APP: variants seen among roughly 807,000 people sequenced by gnomAD.
The protein encoded by APP is amyloid beta precursor protein, also known as amyloid-beta precursor protein.
APP carries 31 observed loss-of-function variants against 101.4 expected under a neutral mutation model. The observed-to-expected ratio is 0.31, with a 90% CI of 0.23 to 0.41. The LOEUF (loss-of-function observed/expected upper bound fraction) is 0.41. Ranked by LOEUF, APP falls within the 10% of genes least tolerant of loss-of-function variation. The pLI, the probability that APP is intolerant of heterozygous loss-of-function variation, is 1.00. For missense variants in APP, 839 were observed against 1,003.7 expected, an observed-to-expected ratio of 0.84 and a Z score of 2.22; for synonymous variants, 366 against 364.4, an observed-to-expected ratio of 1.00 and a Z score of -0.05.
At chr21:26,019,625 T>C (rs1259848416) in intron 6 of APP, among the ~76,000 whole-genome samples, 1 of 152,224 alleles carries the variant, frequency 6.6e-6, no homozygotes, top group Non-Finnish European at 1.5e-5. Flanking sequence ...CAAAATGGCT[T>C]GTACCAAGCA....
intron 17 of APP, among the ~76,000 whole-genome samples, chr21:25,883,125 G>A (rs1175590831): frequency 3.9e-5 from 6 of 152,158 alleles, no homozygotes; most frequent in Admixed American, 6.6e-5. Context: ...CAATATGGCC[G>A]GGTGCAGTGG....
At chr21:25,900,041 T>G (rs115108047) in intron 15 of APP, among the ~76,000 whole-genome samples, 2,122 of 151,486 alleles carry the variant, frequency 0.014, 42 homozygotes, top group African/African-American at 0.05. Context: ...ACTTTAATAT[T>G]GTTAAGTATT....
At chr21:26,016,254 AACTCCTGACCTCAGGTGATCTGC>A (rs1376148516) in intron 6 of APP, among the ~76,000 whole-genome samples, 1 of 152,066 alleles carries the variant, frequency 6.6e-6, no homozygotes, top group East Asian at 1.9e-4. Flanking sequence ...GCTGGTCTCT[AACTCCTGACCTCAGGTGATCTGC>A]TCACCTCAGC....
chr21:26,113,881 C>A (rs925981712), intron 1 of APP, among the ~76,000 whole-genome samples: 2 of 152,136 alleles, frequency 1.3e-5, no homozygotes, highest in African/African-American at 2.4e-5. Context: ...AATAACACTG[C>A]AAAAACATTA....
Position 26,007,345 on chromosome 21 carries a change from G to A in APP, c.866-7163C>T, listed in dbSNP as rs1032925715. ...CAAAACTTCAATATTTCAAATAAAC[G>A]TTATAATTTATAAATATAATTATAA... On this transcript the variant is annotated intron_variant, in intron 6 of 17. Transcript: ENST00000346798. 4.1e-5 allele frequency among the ~76,000 whole-genome samples: 6 copies of A among 145,620 alleles called. No homozygotes were observed. The South Asian group carries it at 8.6e-4, about 21-fold the overall frequency.
chr21:26,033,170 T>C (rs988586047), intron 5 of APP, among the ~76,000 whole-genome samples: 17 of 152,218 alleles, frequency 1.1e-4, no homozygotes, highest in African/African-American at 4.1e-4. Flanking sequence ...TCTTGAATTG[T>C]AATCCTCATA....
intron 1 of APP, 75 bp from the exon 2 acceptor site, chr21:26,112,221 C>G: frequency 6.7e-7 from 1 of 1,492,934 alleles, no homozygotes; most frequent in Non-Finnish European, 9.3e-7. Flanking sequence ...ACAGGGATAA[C>G]TATCAAAAAG....
intron 11 of APP, among the ~76,000 whole-genome samples, chr21:25,958,805 A>G (rs986580002): frequency 4.6e-5 from 7 of 152,198 alleles, no homozygotes; most frequent in Non-Finnish European, 8.8e-5. Flanking sequence ...CCTCTAAGTA[A>G]TAAGAGTTCA....
chr21:26,103,784 A>G (rs574174415), intron 2 of APP, among the ~76,000 whole-genome samples: 9 of 152,176 alleles, frequency 5.9e-5, no homozygotes, highest in Non-Finnish European at 1.0e-4. Context: ...AACGACGACT[A>G]GCGTGCTCTA....
intron 5 of APP, among the ~76,000 whole-genome samples, chr21:26,047,000 A>G (rs2045637826): frequency 6.6e-6 from 1 of 152,234 alleles, no homozygotes; most frequent in African/African-American, 2.4e-5. Context: ...GGATTATGCT[A>G]CATTACAGAC....
At chr21:26,129,948 T>C (rs2062759074) in intron 1 of APP, among the ~76,000 whole-genome samples, 1 of 152,214 alleles carries the variant, frequency 6.6e-6, no homozygotes, top group Non-Finnish European at 1.5e-5. Context: ...TACACATGCC[T>C]TGTGATATTA....
chr21:26,164,022 G>A (rs1030895064), intron 1 of APP, among the ~76,000 whole-genome samples: 7 of 152,122 alleles, frequency 4.6e-5, no homozygotes, highest in Non-Finnish European at 7.4e-5. Flanking sequence ...CGAGGCAGGC[G>A]GATCACGAGG....
In APP at chr21:26,167,753, G is replaced by A. The variant is rs1445558782; in HGVS notation, c.57+2811C>T. Among the ~76,000 whole-genome samples, 4 of 152,184 alleles carry A rather than the reference G, an allele frequency of 2.6e-5. No individual in the cohort carries two copies. In the East Asian group the frequency reaches 7.7e-4, roughly 29 times the overall value. ...TTGCATGTTCCTTTTCATTTCCTCAGTCAGGACCAGTATTATTCCATCTAG... is the reference window on the plus strand; with the variant it reads ...TTGCATGTTCCTTTTCATTTCCTCAATCAGGACCAGTATTATTCCATCTAG... On this transcript the variant is annotated intron_variant, in intron 1 of 17. Coordinates refer to ENST00000346798, the MANE Select transcript of APP (RefSeq NM_000484.4).
intron 5 of APP, among the ~76,000 whole-genome samples, chr21:26,034,638 C>CAAAAAAAAAAAAA (rs201287871): frequency 5.9e-5 from 1 of 17,086 alleles, no homozygotes. Flanking sequence ...CAAGACTTCT[C>CAAAAAAAAAAAAA]AAAAAAAAAA....
chr21:25,967,203 A>AT (rs1003613568), intron 11 of APP, among the ~76,000 whole-genome samples: 52 of 150,148 alleles, frequency 3.5e-4, no homozygotes, highest in East Asian at 1.6e-3. Flanking sequence ...AACTGCCAAC[A>AT]TTTTTTTTTT....
In APP at chr21:26,105,658, A is replaced by T. The variant is rs568536668; in HGVS notation, c.225+6321T>A. Among the ~76,000 whole-genome samples the T allele has an allele frequency of 5.9e-5, 9 of 152,350 alleles. No individual in the cohort carries two copies. The South Asian group carries it at 1.9e-3, about 32-fold the overall frequency. On this transcript the variant is annotated intron_variant, in intron 2 of 17. Transcript: ENST00000346798. The stretch of plus-strand genomic sequence containing the variant: ...CTACAATGTGGAAAGTGGCAGGAAG[A>T]TCCTGAAATATCTATAAAGAATGTT...
chr21:26,053,149 G>T, intron 4 of APP, 87 bp downstream of exon 4: 1 of 960,894 alleles, frequency 1.0e-6, no homozygotes, highest in African/African-American at 1.6e-5. Flanking sequence ...CAACATAGCT[G>T]TTGCCTCAAA....
chr21:25,955,816 G>A, intron 11 of APP, 61 bp from the exon 12 acceptor site: 1 of 1,611,744 alleles, frequency 6.2e-7, no homozygotes, highest in Non-Finnish European at 8.5e-7. Flanking sequence ...TTCTTCCATT[G>A]GCGATGGGTT....
At chr21:26,025,074 T>G (rs1327018314) in intron 5 of APP, among the ~76,000 whole-genome samples, 1 of 152,204 alleles carries the variant, frequency 6.6e-6, no homozygotes, top group Non-Finnish European at 1.5e-5. Flanking sequence ...TTGGAAGCCT[T>G]TATCTCCTCG....
Sources: gnomAD v4.1 joint callset for allele counts (sites outside exome capture counted in the v4.1 genomes callset) on GRCh38, gnomAD v4.1.1 for gene constraint, MANE v1.5 for transcripts, NCBI Gene and HGNC (gene_info 2026-07-23, HGNC 2026-07-21) for gene names.